ERC2: variants seen among roughly 807,000 people sequenced by gnomAD.
ERC2 encodes the protein ERC protein 2.
ERC2 carries 42 observed loss-of-function variants against 114.8 expected under a neutral mutation model. The observed-to-expected ratio is 0.37, with a 90% confidence interval of 0.29 to 0.47. ERC2 has a LOEUF of 0.47. ERC2 is among the 20% of genes least tolerant of loss of function. ERC2 has a pLI of 0.99. For missense variants in ERC2, 939 were observed against 1,150.7 expected, an observed-to-expected ratio of 0.82 and a Z score of 2.66; for synonymous variants, 454 against 425.5, an observed-to-expected ratio of 1.07 and a Z score of -0.82.
chr3:55,972,450 A>G (rs2069238511), intron 12 of ERC2, among the ~76,000 whole-genome samples: 2 of 152,042 alleles, frequency 1.3e-5, no homozygotes, highest in African/African-American at 4.8e-5. Context: ...CCAACAGGCC[A>G]CGGTGTGTGA....
chr3:56,430,989 G>C (rs1413654809), intron 2 of ERC2, among the ~76,000 whole-genome samples: 1 of 152,046 alleles, frequency 6.6e-6, no homozygotes, highest in Non-Finnish European at 1.5e-5. Flanking sequence ...ACCTAGCTAT[G>C]CTGCTTACCA....
chr3:55,787,089 AT>A (rs2069567996), intron 14 of ERC2, among the ~76,000 whole-genome samples: 1 of 152,210 alleles, frequency 6.6e-6, no homozygotes, highest in South Asian at 2.1e-4. Context: ...GTCCCTGAGC[AT>A]CAACTTACTC....
intron 14 of ERC2, among the ~76,000 whole-genome samples, chr3:55,873,199 T>A (rs982325616): frequency 1.3e-5 from 2 of 152,000 alleles, no homozygotes; most frequent in African/African-American, 2.4e-5. Context: ...CAATGCAGAG[T>A]GGGCAGGAAG....
chr3:56,162,383 C>T (rs1290405165), intron 4 of ERC2, among the ~76,000 whole-genome samples: 1 of 152,114 alleles, frequency 6.6e-6, no homozygotes, highest in South Asian at 2.1e-4. Context: ...CAGGGTGATA[C>T]TGACGTTGTA....
At chr3:55,621,154 G>GCCC (rs1253498923) in intron 17 of ERC2, among the ~76,000 whole-genome samples, 1,612 of 150,400 alleles carry the variant, frequency 0.011, 35 homozygotes, top group African/African-American at 0.038. Context: ...GACTCTAACT[G>GCCC]CCCCCCCTCC....
chr3:56,232,975 C>T (rs956699457), intron 3 of ERC2, among the ~76,000 whole-genome samples: 3 of 152,188 alleles, frequency 2.0e-5, no homozygotes, highest in Non-Finnish European at 4.4e-5. Flanking sequence ...TCCTGAACAC[C>T]CCTTCAGATA....
At chr3:55,513,416 CTCTA>C (rs1358212481) in intron 17 of ERC2, among the ~76,000 whole-genome samples, 3 of 152,168 alleles carry the variant, frequency 2.0e-5, no homozygotes, top group Admixed American at 6.5e-5. Context: ...AAGCGTGTCT[CTCTA>C]TCTAACATGA....
chr3:55,733,542 TCA>T (rs58311179), intron 15 of ERC2, among the ~76,000 whole-genome samples: 15,456 of 107,316 alleles, frequency 0.14, 1,001 homozygotes, highest in Non-Finnish European at 0.18. Context: ...TCTCTCTCTC[TCA>T]CACACACACA....
intron 3 of ERC2, among the ~76,000 whole-genome samples, chr3:56,182,409 A>G (rs1204189779): frequency 6.6e-6 from 1 of 152,238 alleles, no homozygotes; most frequent in Non-Finnish European, 1.5e-5. Context: ...CACTGTATGT[A>G]TAAGCCTGGA....
chr3:56,021,413 C>T (rs184805541), intron 7 of ERC2, among the ~76,000 whole-genome samples: 8 of 151,596 alleles, frequency 5.3e-5, no homozygotes, highest in African/African-American at 1.7e-4. Context: ...AAATTATGGG[C>T]CATTTTTGGT....
chr3:55,748,212 A>G (rs2066432483), intron 14 of ERC2, among the ~76,000 whole-genome samples: 1 of 152,242 alleles, frequency 6.6e-6, no homozygotes, highest in Non-Finnish European at 1.5e-5. Context: ...CATTTCAGAT[A>G]TGAAATTATG....
chr3:56,337,424 A>G (rs1300832876), intron 2 of ERC2, among the ~76,000 whole-genome samples: 1 of 152,198 alleles, frequency 6.6e-6, no homozygotes, highest in African/African-American at 2.4e-5. Context: ...GGGGTATGTA[A>G]CCGTAAGTAC....
chr3:56,128,071 A>T (rs1316282687), intron 6 of ERC2, among the ~76,000 whole-genome samples: 4 of 151,958 alleles, frequency 2.6e-5, no homozygotes, highest in South Asian at 2.1e-4. Flanking sequence ...AAAATAAATA[A>T]AAATAAATAA....
At chr3:55,759,001 G>A (rs2067240194) in intron 14 of ERC2, among the ~76,000 whole-genome samples, 1 of 152,160 alleles carries the variant, frequency 6.6e-6, no homozygotes. Context: ...TACAGACTCT[G>A]ACTAATTCTT....
At chr3:55,912,525 T>C (rs979708057) in intron 13 of ERC2, among the ~76,000 whole-genome samples, 4 of 152,370 alleles carry the variant, frequency 2.6e-5, no homozygotes, top group African/African-American at 9.6e-5. Context: ...TTTACTTTTA[T>C]ATGAAAATCC....
intron 6 of ERC2, among the ~76,000 whole-genome samples, chr3:56,122,826 C>G (rs958995914): frequency 3.1e-4 from 47 of 152,108 alleles, no homozygotes; most frequent in African/African-American, 1.1e-3. Context: ...TTAGCAACAC[C>G]CTCCTGTCTC....
intron 2 of ERC2, among the ~76,000 whole-genome samples, chr3:56,296,726 T>C (rs2055466867): frequency 6.6e-6 from 1 of 152,168 alleles, no homozygotes; most frequent in Admixed American, 6.5e-5. Context: ...CTACAGAGTT[T>C]TAATTTAGGA....
chr3:55,919,879 G>A (rs913901544), intron 13 of ERC2, among the ~76,000 whole-genome samples: 18 of 152,140 alleles, frequency 1.2e-4, no homozygotes, highest in African/African-American at 2.7e-4. Flanking sequence ...CCTCCTGTGC[G>A]TTCAAGGAAT....
intron 17 of ERC2, among the ~76,000 whole-genome samples, chr3:55,595,953 C>T (rs1292455638): frequency 6.6e-6 from 1 of 152,180 alleles, no homozygotes; most frequent in Non-Finnish European, 1.5e-5. Flanking sequence ...CACCTCACCC[C>T]ATTAAAGACC....
Sources: gnomAD v4.1 joint callset for allele counts (sites outside exome capture counted in the v4.1 genomes callset) on GRCh38, gnomAD v4.1.1 for gene constraint, MANE v1.5 for transcripts, NCBI Gene and HGNC (gene_info 2026-07-23, HGNC 2026-07-21) for gene names.